The following PDE1A variants were observed in gnomAD, a reference collection of about 807,000 sequenced individuals.
The protein encoded by PDE1A is dual specificity calcium/calmodulin-dependent 3',5'-cyclic nucleotide phosphodiesterase 1A.
A neutral mutation model predicts 61.7 loss-of-function variants in PDE1A; 35 were observed. That is an observed-to-expected ratio of 0.57 (90% CI 0.43 to 0.75). The LOEUF is 0.75. Ranked by LOEUF, PDE1A falls within the 30% of genes least tolerant of loss-of-function variation. The pLI, the probability that PDE1A is intolerant of heterozygous loss-of-function variation, is 0.00. For missense variants in PDE1A, 597 were observed against 630.6 expected (o/e 0.95, Z 0.57); for synonymous variants, 232 against 213.2 (o/e 1.09, Z -0.77).
At chr2:182,534,563 G>GTATT in the PDE1A span, among the ~76,000 whole-genome samples, 1 of 151,202 alleles carries the variant, frequency 6.6e-6, no homozygotes, top group South Asian at 2.1e-4. Context: ...GAGAATTAAT[G>GTATT]TATTTTTTGA....
intron 11 of PDE1A, among the ~76,000 whole-genome samples, chr2:182,188,175 T>TA (rs1286127466): frequency 1.3e-5 from 2 of 152,174 alleles, no homozygotes; most frequent in Non-Finnish European, 2.9e-5. Flanking sequence ...ATCAGGTCCT[T>TA]AGCCTGCCAC....
At chr2:182,549,850 G>A in the PDE1A span, among the ~76,000 whole-genome samples, 26 of 152,166 alleles carry the variant, frequency 1.7e-4, no homozygotes, top group Admixed American at 9.8e-4. Flanking sequence ...GTTTAATTCC[G>A]TTTTATAAAT....
the PDE1A span, among the ~76,000 whole-genome samples, chr2:182,564,920 T>C: frequency 2.6e-5 from 4 of 152,210 alleles, no homozygotes; most frequent in Admixed American, 6.5e-5. Flanking sequence ...CTTTAAGCAC[T>C]TCTCTGTATT....
intron 13 of PDE1A, among the ~76,000 whole-genome samples, chr2:182,178,502 T>C (rs1684478735): frequency 6.6e-6 from 1 of 152,150 alleles, no homozygotes. Context: ...CGGGACCTGC[T>C]CTCTGAATTT....
intron 1 of PDE1A, among the ~76,000 whole-genome samples, chr2:182,273,456 T>A (rs917443276): frequency 3.3e-5 from 5 of 151,240 alleles, no homozygotes; most frequent in Middle Eastern, 3.2e-3. Context: ...TAAAAAAAAA[T>A]AGATTTAACA....
intron 1 of PDE1A, among the ~76,000 whole-genome samples, chr2:182,326,769 G>A (rs1387302242): frequency 6.6e-6 from 1 of 152,110 alleles, no homozygotes; most frequent in African/African-American, 2.4e-5. Context: ...CAGTTACTTG[G>A]TAAGAGTGAG....
chr2:182,363,034 G>A (rs938437497), intron 1 of PDE1A, among the ~76,000 whole-genome samples: 1 of 151,908 alleles, frequency 6.6e-6, no homozygotes, highest in African/African-American at 2.4e-5. Context: ...ATACATAGAG[G>A]GAAATAACAC....
chr2:182,445,150 A>G (rs1226073542), intron 2 of PDE1A, among the ~76,000 whole-genome samples: 1 of 152,148 alleles, frequency 6.6e-6, no homozygotes, highest in East Asian at 1.9e-4. Flanking sequence ...TTTACGCCTT[A>G]TGCAGGCAAA....
At chr2:182,141,140 C>A (rs1226733674) in exon 15 of PDE1A, 1 of 151,962 alleles carries the variant, frequency 6.6e-6, no homozygotes, top group Non-Finnish European at 1.5e-5. Context: ...CTTCCTATGA[C>A]ATTTAAGAAG....
At chr2:182,193,286 A>AGTTTT (rs955511614) in intron 10 of PDE1A, among the ~76,000 whole-genome samples, 2 of 152,136 alleles carry the variant, frequency 1.3e-5, no homozygotes, top group Non-Finnish European at 2.9e-5. Context: ...GCGCCTGGCC[A>AGTTTT]GTTTTGTTTT....
the PDE1A span, among the ~76,000 whole-genome samples, chr2:182,632,139 AAC>A: frequency 6.6e-6 from 1 of 152,126 alleles, no homozygotes; most frequent in Admixed American, 6.6e-5. Context: ...AGGATACATA[AAC>A]ACACACACCA....
intron 1 of PDE1A, among the ~76,000 whole-genome samples, chr2:182,368,881 A>G (rs1044821180): frequency 6.6e-6 from 1 of 152,182 alleles, no homozygotes; most frequent in South Asian, 2.1e-4. Context: ...CACTCATTAA[A>G]TGGTAGCTGC....
the PDE1A span, among the ~76,000 whole-genome samples, chr2:182,582,429 T>C: frequency 6.6e-6 from 1 of 152,264 alleles, no homozygotes; most frequent in East Asian, 1.9e-4. Flanking sequence ...AGGGGATAGA[T>C]ACCAGATTAA....
intron 2 of PDE1A, among the ~76,000 whole-genome samples, chr2:182,475,569 TG>T: frequency 6.6e-6 from 1 of 152,074 alleles, no homozygotes; most frequent in South Asian, 2.1e-4. Flanking sequence ...CAATATATTC[TG>T]GGAGAGCTAG....
At chr2:182,163,711 A>G (rs1691506549), downstream of PDE1A, among the ~76,000 whole-genome samples, 1 of 152,174 alleles carries the variant, frequency 6.6e-6, no homozygotes, top group African/African-American at 2.4e-5. Flanking sequence ...TATAAAGGCG[A>G]CATATTTGGG....
chr2:182,524,364 A>G (rs1001713923), upstream of PDE1A, among the ~76,000 whole-genome samples: 7 of 152,202 alleles, frequency 4.6e-5, no homozygotes, highest in East Asian at 1.3e-3. Flanking sequence ...TATGACATGA[A>G]ATGTCAAGAC....
chr2:182,633,689 A>G, the PDE1A span, among the ~76,000 whole-genome samples: 1 of 152,160 alleles, frequency 6.6e-6, no homozygotes, highest in African/African-American at 2.4e-5. Context: ...ATTCTCTTAA[A>G]TATTTCTAAT....
intron 1 of PDE1A, among the ~76,000 whole-genome samples, chr2:182,283,524 G>A (rs898172729): frequency 6.6e-5 from 10 of 151,614 alleles, no homozygotes; most frequent in Admixed American, 2.0e-4. Context: ...ATAGGGCTCC[G>A]GGATTTTGAT....
chr2:182,532,945 C>CAAAAAAAAAA, the PDE1A span, among the ~76,000 whole-genome samples: 66 of 21,164 alleles, frequency 3.1e-3, 14 homozygotes, highest in East Asian at 0.011. Flanking sequence ...GACTCCGTCT[C>CAAAAAAAAAA]AAAAAAAAAA....
Sources: allele counts gnomAD v4.1 joint callset (sites outside exome capture counted in the v4.1 genomes callset), GRCh38; gene constraint gnomAD v4.1.1; transcripts MANE v1.5; gene names NCBI Gene and HGNC (gene_info 2026-07-23, HGNC 2026-07-21).